Variants in ABCC1 observed in about 807,000 individuals in gnomAD.
ABCC1 encodes the protein multidrug resistance-associated protein 1.
A neutral mutation model predicts 172.9 loss-of-function variants in ABCC1; 83 were observed. The observed-to-expected ratio is 0.48, with a 90% CI of 0.40 to 0.58. ABCC1 has a LOEUF of 0.58. Ranked by LOEUF, ABCC1 falls within the 20% of genes least tolerant of loss-of-function variation. The pLI, the probability that ABCC1 is intolerant of heterozygous loss-of-function variation, is 0.00. For synonymous variants in ABCC1, 937 were observed against 825.2 expected (o/e 1.14, Z -2.32); for missense variants, 1,817 against 2,002.7 (o/e 0.91, Z 1.77).
chr16:16,062,915 C>T (rs564352227), intron 12 of ABCC1, among the ~76,000 whole-genome samples: 3 of 152,218 alleles, frequency 2.0e-5, no homozygotes, highest in South Asian at 2.1e-4. Flanking sequence ...GCCAGGCAGC[C>T]GTCAATATTT....
intron 19 of ABCC1, 102 bp downstream of exon 19, chr16:16,090,690 T>TTG: frequency 7.6e-7 from 1 of 1,315,128 alleles, no homozygotes; most frequent in Non-Finnish European, 1.0e-6. Flanking sequence ...GGAAGGCGGC[T>TTG]CCTCAGGGCA....
At chr16:15,999,158 A>G (rs921331929) in intron 1 of ABCC1, among the ~76,000 whole-genome samples, 12 of 151,686 alleles carry the variant, frequency 7.9e-5, no homozygotes, top group Admixed American at 5.9e-4. Context: ...CCGCCACCAC[A>G]CCTGGCTAAT....
At chr16:15,965,866 C>T (rs893095673) in intron 1 of ABCC1, among the ~76,000 whole-genome samples, 4 of 152,098 alleles carry the variant, frequency 2.6e-5, no homozygotes, top group Non-Finnish European at 5.9e-5. Flanking sequence ...GGATTACAGG[C>T]GAGAGCCACC....
At chr16:16,095,948 C>T (rs148061056) in intron 19 of ABCC1, among the ~76,000 whole-genome samples, 1 of 152,048 alleles carries the variant, frequency 6.6e-6, no homozygotes, top group South Asian at 2.1e-4. Context: ...ATGTGCTCAT[C>T]GTAGACATTT....
At chr16:16,076,427 A>G (rs1429354483) in intron 15 of ABCC1, 26 bp downstream of exon 15, 2 of 1,587,958 alleles carry the variant, frequency 1.3e-6, no homozygotes, top group Non-Finnish European at 8.6e-7. Context: ...GACACACGTG[A>G]TGGTGTGGAG....
rs147108916 is a variant in ABCC1, at chr16:16,085,539, G to A, written c.2293-1285G>A. ...TCACGCCTATAATCCCAGCACTTTG[G>A]GAGACCAAGGTGGGAGGATTGTCTG... is the stretch of plus-strand genomic sequence containing the variant. On this transcript the variant is annotated intron_variant, in intron 17 of 30. Coordinates refer to ENST00000399410, the MANE Select transcript of ABCC1 (RefSeq NM_004996.4). 1.1e-4 allele frequency among the ~76,000 whole-genome samples: 16 copies of A among 152,348 alleles called. No individual in the cohort carries two copies. The East Asian group carries it at 3.1e-3, about 29-fold the overall frequency.
intron 9 of ABCC1, among the ~76,000 whole-genome samples, chr16:16,047,668 T>C (rs2049268561): frequency 6.6e-6 from 1 of 151,972 alleles, no homozygotes. Flanking sequence ...ATTATCTGGC[T>C]CCAGATGTCA....
intron 19 of ABCC1, among the ~76,000 whole-genome samples, chr16:16,091,097 A>G (rs907660615): frequency 6.6e-6 from 1 of 152,024 alleles, no homozygotes; most frequent in African/African-American, 2.4e-5. Context: ...CCTGCCCTTC[A>G]GACCCATCTG....
rs1008991081 is a variant in ABCC1, at chr16:15,972,873, G to A, written c.48+23074G>A. 5.2e-5 allele frequency among the ~76,000 whole-genome samples: 7 copies of A among 135,044 alleles called. No homozygotes were observed. The East Asian group carries it at 6.7e-4, about 13-fold the overall frequency. 88.6% of individuals were successfully genotyped at this position (135,044 alleles called of 152,430 possible). A position where few individuals can be genotyped will look rare whatever the true frequency, so the allele number is the denominator to read the frequency against. Reference sequence around the variant, plus strand: ...GAGTGTGGTGGCACAATCTCAGCTCGCTGCAACCTCTACCTCCTAGGCTGA... The same window carrying A: ...GAGTGTGGTGGCACAATCTCAGCTCACTGCAACCTCTACCTCCTAGGCTGA... On this transcript the variant is annotated intron_variant, in intron 1 of 30. Coordinates refer to ENST00000399410, the MANE Select transcript of ABCC1 (RefSeq NM_004996.4).
At chr16:16,044,937 A>G (rs2049140515) in intron 8 of ABCC1, among the ~76,000 whole-genome samples, 1 of 152,188 alleles carries the variant, frequency 6.6e-6, no homozygotes, top group South Asian at 2.1e-4. Context: ...GATGTGAGCC[A>G]TGGTCACTGC....
At chr16:15,965,763 AT>A (rs2046228899) in intron 1 of ABCC1, among the ~76,000 whole-genome samples, 1 of 150,656 alleles carries the variant, frequency 6.6e-6, no homozygotes, top group South Asian at 2.1e-4. Context: ...TGCCTGATTA[AT>A]TTTTGTATTT....
chr16:16,067,077 C>T (rs1158358164), intron 12 of ABCC1, among the ~76,000 whole-genome samples: 1 of 150,500 alleles, frequency 6.6e-6, no homozygotes, highest in Non-Finnish European at 1.5e-5. Flanking sequence ...ATAGGGAGAC[C>T]CTGTCTCTAC....
intron 7 of ABCC1, among the ~76,000 whole-genome samples, chr16:16,040,099 T>TATGC (rs2048919343): frequency 6.6e-6 from 1 of 150,580 alleles, no homozygotes; most frequent in Non-Finnish European, 1.5e-5. Flanking sequence ...TGTATGTATG[T>TATGC]ATGTATGTAT....
At chr16:16,095,726 C>T (rs1472837336) in intron 19 of ABCC1, among the ~76,000 whole-genome samples, 1 of 151,946 alleles carries the variant, frequency 6.6e-6, no homozygotes, top group Non-Finnish European at 1.5e-5. Context: ...GGATATCAGT[C>T]TGTTGCCCAG....
intron 1 of ABCC1, among the ~76,000 whole-genome samples, chr16:15,973,162 T>A (rs952241685): frequency 2.6e-5 from 4 of 152,184 alleles, no homozygotes; most frequent in African/African-American, 4.8e-5. Context: ...AAGTTTCATA[T>A]CACTTTAGAA....
At chr16:16,010,962 C>T (rs899520136) in intron 3 of ABCC1, among the ~76,000 whole-genome samples, 3 of 152,054 alleles carry the variant, frequency 2.0e-5, no homozygotes, top group South Asian at 2.1e-4. Context: ...GGCTGGGCAT[C>T]GTGGCTCATG....
At chr16:16,060,172 C>G (rs1327880899) in intron 12 of ABCC1, among the ~76,000 whole-genome samples, 1 of 151,864 alleles carries the variant, frequency 6.6e-6, no homozygotes, top group Non-Finnish European at 1.5e-5. Context: ...CAGTGTGACC[C>G]CAAAGCTGGT....
At chr16:16,030,248 C>T (rs953606733) in intron 5 of ABCC1, among the ~76,000 whole-genome samples, 14 of 152,012 alleles carry the variant, frequency 9.2e-5, no homozygotes, top group African/African-American at 2.9e-4. Context: ...TAAGGCTGGG[C>T]GCAGTGGCTC....
intron 1 of ABCC1, among the ~76,000 whole-genome samples, chr16:15,979,312 A>AC (rs201141890): frequency 1.3e-3 from 203 of 150,916 alleles, no homozygotes; most frequent in African/African-American, 2.8e-3. Flanking sequence ...AAACAAACAA[A>AC]AAAAAAACAA....
Sources: allele counts gnomAD v4.1 joint callset (sites outside exome capture counted in the v4.1 genomes callset), GRCh38; gene constraint gnomAD v4.1.1; transcripts MANE v1.5; gene names NCBI Gene and HGNC (gene_info 2026-07-23, HGNC 2026-07-21).